BCAR3: variants seen among roughly 807,000 people sequenced by gnomAD.
The protein encoded by BCAR3 is BCAR3 adaptor protein, NSP family member, also known as breast cancer anti-estrogen resistance protein 3.
BCAR3 carries 37 observed loss-of-function variants against 80.1 expected under a neutral mutation model. The ratio of observed to expected loss-of-function variants is 0.46; its 90% CI spans 0.36 to 0.61. The LOEUF is 0.61. Ranked by LOEUF, BCAR3 falls within the 20% of genes least tolerant of loss-of-function variation. BCAR3 has a pLI of 0.00. For synonymous variants in BCAR3, 389 were observed against 418.9 expected, an observed-to-expected ratio of 0.93 and a Z score of 0.87; for missense variants, 978 against 1,068.2, an observed-to-expected ratio of 0.92 and a Z score of 1.18.
intron 2 of BCAR3, among the ~76,000 whole-genome samples, chr1:93,812,881 G>T (rs1230296048): frequency 6.6e-6 from 1 of 152,138 alleles, no homozygotes; most frequent in Non-Finnish European, 1.5e-5. Context: ...CCTCCAAGTG[G>T]TTCTAACACA....
At chr1:93,696,719 G>A (rs1649421002) in intron 3 of BCAR3, among the ~76,000 whole-genome samples, 1 of 152,132 alleles carries the variant, frequency 6.6e-6, no homozygotes, top group Non-Finnish European at 1.5e-5. Context: ...TGCTTCCCCT[G>A]AACTCACCCT....
At chr1:93,830,815 T>G (rs987993497) in intron 2 of BCAR3, among the ~76,000 whole-genome samples, 16 of 152,144 alleles carry the variant, frequency 1.1e-4, no homozygotes, top group Admixed American at 5.9e-4. Flanking sequence ...GCCCTCACTC[T>G]GTGAGGAGAT....
At chr1:93,831,387 A>G (rs1180106820) in intron 2 of BCAR3, among the ~76,000 whole-genome samples, 1 of 152,140 alleles carries the variant, frequency 6.6e-6, no homozygotes, top group Non-Finnish European at 1.5e-5. Flanking sequence ...TAAACGCCTT[A>G]TATTCTTCTG....
intron 3 of BCAR3, among the ~76,000 whole-genome samples, chr1:93,597,792 G>A (rs1402677928): frequency 6.6e-6 from 1 of 152,210 alleles, no homozygotes; most frequent in African/African-American, 2.4e-5. Context: ...AAAGCAGCCT[G>A]GAGCCTGCCA....
chr1:93,803,336 G>A (rs1052946586), intron 2 of BCAR3, among the ~76,000 whole-genome samples: 4 of 152,048 alleles, frequency 2.6e-5, no homozygotes, highest in African/African-American at 7.2e-5. Flanking sequence ...CAAAGAAACC[G>A]CCACTCTAAC....
chr1:93,665,122 A>G (rs1352997732), intron 2 of BCAR3, among the ~76,000 whole-genome samples: 3 of 152,188 alleles, frequency 2.0e-5, no homozygotes, highest in Admixed American at 6.5e-5. Context: ...CCCATCCTCA[A>G]CGTGGCCACC....
upstream of BCAR3, among the ~76,000 whole-genome samples, chr1:93,682,678 C>T (rs1648836010): frequency 6.6e-6 from 1 of 152,302 alleles, no homozygotes; most frequent in African/African-American, 2.4e-5. Context: ...CCTCAGCTTC[C>T]CAAGTAGCTG....
intron 2 of BCAR3, among the ~76,000 whole-genome samples, chr1:93,712,735 A>T (rs988604632): frequency 6.6e-6 from 1 of 152,042 alleles, no homozygotes; most frequent in African/African-American, 2.4e-5. Flanking sequence ...AACCATTATC[A>T]CCACTATTTC....
At position 93,616,755 on chromosome 1, in the gene BCAR3, C is replaced by T. The variant is rs145067953; in HGVS notation, c.358-24362G>A. On this transcript the variant is annotated intron_variant, in intron 3 of 11. Coordinates refer to ENST00000260502, the MANE Select transcript of BCAR3 (RefSeq NM_003567.4). ...GGCTTTCTAAACACCATGCCCCTTTCGGGATAGGGGAGGGCATTTCTAAGG... is the reference window on the plus strand; with the variant it reads ...GGCTTTCTAAACACCATGCCCCTTTTGGGATAGGGGAGGGCATTTCTAAGG... Among the ~76,000 whole-genome samples, 55 of 152,272 alleles carry T rather than the reference C, an allele frequency of 3.6e-4. No homozygotes were observed. The East Asian group carries it at 5.0e-3, about 14-fold the overall frequency.
At chr1:93,732,353 G>A (rs1319597800) in intron 2 of BCAR3, among the ~76,000 whole-genome samples, 1 of 152,212 alleles carries the variant, frequency 6.6e-6, no homozygotes, top group Admixed American at 6.5e-5. Flanking sequence ...AGTGGCTCAT[G>A]CCTGTAATCC....
chr1:93,823,875 T>C (rs1654300806), intron 2 of BCAR3, among the ~76,000 whole-genome samples: 1 of 133,144 alleles, frequency 7.5e-6, no homozygotes, highest in African/African-American at 2.5e-5. Context: ...AATTTTTACA[T>C]TTTTAGTAGA....
intron 2 of BCAR3, among the ~76,000 whole-genome samples, chr1:93,761,825 C>T (rs532889687): frequency 6.6e-6 from 1 of 152,258 alleles, no homozygotes; most frequent in South Asian, 2.1e-4. Context: ...CCTACATGCC[C>T]ATGAGCCAGT....
At chr1:93,762,033 C>A (rs1333226479) in intron 2 of BCAR3, among the ~76,000 whole-genome samples, 1 of 152,224 alleles carries the variant, frequency 6.6e-6, no homozygotes, top group Non-Finnish European at 1.5e-5. Context: ...TTCTCCCTGA[C>A]TCTGTGCCAC....
chr1:93,615,335 G>A (rs1338025171), intron 3 of BCAR3, among the ~76,000 whole-genome samples: 1 of 152,190 alleles, frequency 6.6e-6, no homozygotes, highest in Non-Finnish European at 1.5e-5. Context: ...CCAGTGAGCA[G>A]GTATGGAGAG....
At chr1:93,673,300 T>C (rs931138271) in intron 2 of BCAR3, among the ~76,000 whole-genome samples, 1 of 152,200 alleles carries the variant, frequency 6.6e-6, no homozygotes, top group African/African-American at 2.4e-5. Flanking sequence ...GTCCACATAT[T>C]TCCACCACCC....
chr1:93,615,823 T>C (rs1331085369), intron 3 of BCAR3, among the ~76,000 whole-genome samples: 1 of 152,142 alleles, frequency 6.6e-6, no homozygotes, highest in African/African-American at 2.4e-5. Flanking sequence ...CATTTTCACC[T>C]GGTATTCTCC....
Position 93,816,789 on chromosome 1 carries a change from A to C in BCAR3, c.-63+28778T>G, listed in dbSNP as rs112724360. On this transcript the variant is annotated intron_variant, in intron 2 of 13. Transcript: ENST00000370244. ...AATTCTTGATTGACAATGTCAAAAC[A>C]ACCACCATAGCTAGGAACAAGATAT... 9.2e-4 allele frequency among the ~76,000 whole-genome samples: 140 copies of C among 152,244 alleles called. 3 individuals carry two copies. The highest frequency in any genetic ancestry group is 3.2e-3 in the African/African-American group (134 of 41,544).
chr1:93,820,476 C>T (rs1312540961), intron 2 of BCAR3, among the ~76,000 whole-genome samples: 1 of 152,190 alleles, frequency 6.6e-6, no homozygotes, highest in Admixed American at 6.5e-5. Context: ...CAAAAATTTG[C>T]TATAATGCTT....
intron 3 of BCAR3, among the ~76,000 whole-genome samples, chr1:93,609,984 A>G (rs1359513687): frequency 6.6e-6 from 1 of 152,242 alleles, no homozygotes; most frequent in Non-Finnish European, 1.5e-5. Flanking sequence ...GAGCAACACC[A>G]AATCAGTGAT....
Sources: allele counts gnomAD v4.1 joint callset (sites outside exome capture counted in the v4.1 genomes callset), GRCh38; gene constraint gnomAD v4.1.1; transcripts MANE v1.5; gene names NCBI Gene and HGNC (gene_info 2026-07-23, HGNC 2026-07-21).